Variants in ZNF723 observed in about 807,000 individuals in gnomAD.
The protein encoded by ZNF723 is zinc finger protein 723.
ZNF723 carries 5 observed loss-of-function variants against 9.4 expected under a neutral mutation model. The observed-to-expected ratio is 0.53, with a 90% CI of 0.28 to 1.12. The LOEUF (loss-of-function observed/expected upper bound fraction) is 1.12, where lower values mean the gene tolerates loss of function less well. ZNF723 is among the 50% of genes most tolerant of loss of function. ZNF723 has a pLI of 0.10. For synonymous variants in ZNF723, 158 were observed against 168.8 expected, an observed-to-expected ratio of 0.94 and a Z score of 0.49; for missense variants, 450 against 501.5, an observed-to-expected ratio of 0.90 and a Z score of 0.98.
intron 1 of ZNF723, among the ~76,000 whole-genome samples, chr19:22,837,328 G>A (rs896893307): frequency 6.6e-6 from 1 of 151,414 alleles, no homozygotes; most frequent in Admixed American, 6.6e-5. Context: ...AAGAAAGAAA[G>A]GAAGAAATGT....
In ZNF723 at chr19:22,849,288, C is replaced by G; in HGVS notation, c.221C>G (p.Pro74Arg). The part of the protein sequence containing the change: ...NMKRHKMVAK[P>R]PVVCSHFAQD... ...AAGAGACACAAGATGGTAGCCAAGC[C>G]CCCAGGTAGGTGGAGAGTGAACACA... The change falls in exon 3 of 4, where the codon CCC becomes CGC. Residue 74 changes from proline to arginine, a missense_variant. By Grantham distance (103) the Pro-to-Arg change is moderately radical. This residue lies in a region of ZNF723 where 143 missense variants were observed against 101.3 expected (regional missense o/e 1.41). Transcript: ENST00000600766. 1.7e-6 allele frequency: 1 copy of G among 584,900 alleles called. No homozygotes were observed. The highest frequency in any genetic ancestry group is 3.1e-6 in the Non-Finnish European group (1 of 324,968). The allele number at this position is 584,900 out of a possible 1,614,324, so 36.2% of individuals were successfully genotyped here.
rs1455328094 is a variant in ZNF723 at position 22,841,076 on chromosome 19, GGGTGCTCTAGCCCAGT to G, written c.4-7183_4-7168del. Among the ~76,000 whole-genome samples, 999 of 152,278 alleles carry G rather than the reference GGGTGCTCTAGCCCAGT, an allele frequency of 6.6e-3. 10 individuals are homozygous for G. Among genetic ancestry groups the G allele is most frequent in the African/African-American group, 0.021 (858 of 41,552 alleles). Reference sequence around the variant, plus strand: ...CATGGCCATCAGGAGAGGGCAAGCAGGGTGCTCTAGCCCAGTGCTAAAGGAGTTAAAGAGCCATTGC... The same window carrying G: ...CATGGCCATCAGGAGAGGGCAAGCAGGCTAAAGGAGTTAAAGAGCCATTGC... On this transcript the variant is annotated intron_variant, in intron 1 of 3. Transcript: ENST00000600766.
At chr19:22,840,777 C>T (rs569690373) in intron 1 of ZNF723, 2 of 152,238 alleles carry the variant, frequency 1.3e-5, no homozygotes, top group South Asian at 2.1e-4. Context: ...TATCTCTATC[C>T]GGACTCATGC....
At chr19:22,814,901 C>T in the ZNF723 span, among the ~76,000 whole-genome samples, 1 of 152,140 alleles carries the variant, frequency 6.6e-6, no homozygotes, top group African/African-American at 2.4e-5. Context: ...AGTGACTTTC[C>T]TCTATTGCTT....
chr19:22,832,445 G>C, intron 1 of ZNF723, 63 bp downstream of exon 1: 1 of 1,333,480 alleles, frequency 7.5e-7, no homozygotes, highest in Non-Finnish European at 1.1e-6. Flanking sequence ...GGTGGGAAGT[G>C]GCTGTGGCGG....
chr19:22,829,004 C>T (rs761152898), upstream of ZNF723, among the ~76,000 whole-genome samples: 7 of 152,002 alleles, frequency 4.6e-5, no homozygotes, highest in African/African-American at 1.4e-4. Context: ...GAAACTCCAT[C>T]GCTACTAAAA....
intron 3 of ZNF723, among the ~76,000 whole-genome samples, chr19:22,856,644 C>T (rs1967484348): frequency 6.6e-6 from 1 of 152,166 alleles, no homozygotes; most frequent in African/African-American, 2.4e-5. Flanking sequence ...CATTTAGTCT[C>T]AGCAAACTCA....
chr19:22,820,731 G>C, the ZNF723 span, among the ~76,000 whole-genome samples: 1 of 152,188 alleles, frequency 6.6e-6, no homozygotes, highest in Non-Finnish European at 1.5e-5. Context: ...GGGACAGAAA[G>C]TGTCATCATA....
At chr19:22,821,773 T>A in the ZNF723 span, among the ~76,000 whole-genome samples, 2 of 152,228 alleles carry the variant, frequency 1.3e-5, no homozygotes, top group Non-Finnish European at 2.9e-5. Context: ...GGTAGAGTCC[T>A]GGATCACCTA....
At position 22,857,124 on chromosome 19, in the gene ZNF723, G is replaced by T; in HGVS notation, c.233G>T (p.Cys78Phe). Residue 78 changes from cysteine (C) to phenylalanine (F), a missense_variant, in exon 4 of 4, where the codon TGT becomes TTT. Cys to Phe is a radical substitution (Grantham distance 205). Coordinates refer to ENST00000600766, the MANE Select transcript of ZNF723 (RefSeq NM_001349726.2). ...HKMVAKPPVV[C>F]SHFAQDLWPE... ...TTATTTCTATTTTTTTCAGTTGTGT[G>T]TTCTCATTTTGCCCAAGACCTTTGG... is the stretch of plus-strand genomic sequence containing the variant. 1 of 957,858 alleles carries T rather than the reference G, an allele frequency of 1.0e-6. No homozygotes were observed. Among genetic ancestry groups the T allele is most frequent in the Non-Finnish European group, 1.6e-6 (1 of 644,132 alleles). The allele number at this position is 957,858 out of a possible 1,614,324, so 59.3% of individuals were successfully genotyped here.
chr19:22,824,205 C>T, the ZNF723 span, among the ~76,000 whole-genome samples: 1 of 152,122 alleles, frequency 6.6e-6, no homozygotes, highest in African/African-American at 2.4e-5. Flanking sequence ...TGGGCCTTGC[C>T]CACAGTGGGC....
At chr19:22,843,039 GA>G (rs1308518302) in intron 1 of ZNF723, among the ~76,000 whole-genome samples, 1 of 152,170 alleles carries the variant, frequency 6.6e-6, no homozygotes, top group South Asian at 2.1e-4. Flanking sequence ...CAGAGTTATA[GA>G]AAGGTGATAA....
chr19:22,820,823 G>C, the ZNF723 span, among the ~76,000 whole-genome samples: 1 of 152,078 alleles, frequency 6.6e-6, no homozygotes, highest in East Asian at 1.9e-4. Context: ...CCTTACATAT[G>C]AACAGAGCCC....
At chr19:22,830,845 C>T (rs997908582), upstream of ZNF723, among the ~76,000 whole-genome samples, 2 of 152,258 alleles carry the variant, frequency 1.3e-5, no homozygotes, top group Non-Finnish European at 2.9e-5. Context: ...TCACTGCAAC[C>T]TCTGCCTCCT....
At chr19:22,847,911 G>A (rs1261018355) in intron 1 of ZNF723, among the ~76,000 whole-genome samples, 2 of 151,954 alleles carry the variant, frequency 1.3e-5, no homozygotes, top group African/African-American at 4.8e-5. Flanking sequence ...GACCAGCCTG[G>A]CCAATATGAT....
the ZNF723 span, among the ~76,000 whole-genome samples, chr19:22,821,833 G>A: frequency 6.6e-6 from 1 of 152,302 alleles, no homozygotes; most frequent in South Asian, 2.1e-4. Context: ...AATTGGCCAG[G>A]TGCAGTGGCT....
chr19:22,827,145 G>T, the ZNF723 span, among the ~76,000 whole-genome samples: 2 of 152,152 alleles, frequency 1.3e-5, no homozygotes, highest in African/African-American at 4.8e-5. Flanking sequence ...TAAAGGCTGT[G>T]GTTACACAAT....
At chr19:22,821,065 A>T in the ZNF723 span, among the ~76,000 whole-genome samples, 1 of 152,188 alleles carries the variant, frequency 6.6e-6, no homozygotes, top group Admixed American at 6.5e-5. Context: ...AGATATTGAG[A>T]CTCAGTTTGC....
Position 22,858,069 on chromosome 19 carries a change from G to A in ZNF723, c.1178G>A (p.Gly393Glu). 2.0e-6 allele frequency: 3 copies of A among 1,514,882 alleles called. No homozygotes were observed. The highest frequency in any genetic ancestry group is 2.8e-6 in the Non-Finnish European group (3 of 1,090,878). 93.8% of individuals were successfully genotyped at this position (1,514,882 alleles called of 1,614,324 possible). ...HLTTHKRIHTGEKPYKCEECG... is the reference protein window; with the variant it reads ...HLTTHKRIHTEEKPYKCEECG... ...ACTACACATAAGAGAATTCATACTG[G>A]AGAGAAACCCTACAAATGTGAAGAA... Residue 393 changes from glycine to glutamate, a missense_variant, in exon 4 of 4, where the codon GGA (glycine) becomes GAA (glutamate). By Grantham distance (98) the Gly-to-Glu change is moderately conservative. Coordinates refer to ENST00000600766, the MANE Select transcript of ZNF723 (RefSeq NM_001349726.2).
Sources: allele counts gnomAD v4.1 joint callset (sites outside exome capture counted in the v4.1 genomes callset), GRCh38; gene constraint gnomAD v4.1.1; regional missense constraint gnomAD v4.1.1; transcripts MANE v1.5; gene names NCBI Gene and HGNC (gene_info 2026-07-23, HGNC 2026-07-21).